The following TANK variants were observed in gnomAD, a reference collection of about 807,000 sequenced individuals.
TANK encodes the protein TRAF family member-associated NF-kappa-B activator.
TANK carries 15 observed loss-of-function variants against 43.6 expected under a neutral mutation model. The observed-to-expected ratio is 0.34, with a 90% CI of 0.23 to 0.53. TANK has a LOEUF of 0.53. TANK is among the 20% of genes least tolerant of loss of function. The pLI is 0.94. For synonymous variants in TANK, 162 were observed against 178.2 expected (o/e 0.91, Z 0.73); for missense variants, 417 against 498.6 (o/e 0.84, Z 1.56).
chr2:161,228,110 A>T lies in TANK; in HGVS notation c.521-2861A>T, dbSNP rs573565716. ...AGGAAACAAAACAGTTTAAGACCTC[A>T]AAAAACCTACTTTAGTGGGAAGAAA... is the stretch of plus-strand genomic sequence containing the variant. On this transcript the variant is annotated intron_variant, in intron 6 of 7. Transcript: ENST00000392749. Among the ~76,000 whole-genome samples, 4 of 152,358 alleles carry T rather than the reference A, an allele frequency of 2.6e-5. No individual in the cohort carries two copies. The South Asian group carries it at 8.3e-4, about 32-fold the overall frequency.
At chr2:161,147,435 A>G (rs968134734) in intron 1 of TANK, among the ~76,000 whole-genome samples, 5 of 174 alleles carry the variant, frequency 0.029, no homozygotes, top group African/African-American at 0.083. Flanking sequence ...TTGGGAGGCT[A>G]GGCCTGGTGG....
chr2:161,172,952 G>C (rs1328520625), intron 1 of TANK, among the ~76,000 whole-genome samples: 1 of 152,108 alleles, frequency 6.6e-6, no homozygotes, highest in Non-Finnish European at 1.5e-5. Flanking sequence ...TCCCTCGCTA[G>C]TTTGTAGTCC....
intron 1 of TANK, chr2:161,161,518 TC>T (rs1325757757): frequency 2.0e-6 from 3 of 1,483,864 alleles, no homozygotes; most frequent in Admixed American, 2.2e-5. Flanking sequence ...GGAAGTGAAA[TC>T]CTTCTCAGTC....
chr2:161,160,573 C>G, intron 1 of TANK, 87 bp downstream of exon 1: 2 of 1,093,456 alleles, frequency 1.8e-6, no homozygotes, highest in Non-Finnish European at 2.4e-6. Flanking sequence ...GAGGGACGCG[C>G]TGACAGTAGG....
In TANK at chr2:161,231,431, G is replaced by GTGT; in HGVS notation, c.983_985dup (p.Cys328dup). 6.2e-7 allele frequency: 1 copy of GTGT among 1,614,120 alleles called. No individual in the cohort carries two copies. Among genetic ancestry groups the GTGT allele is most frequent in the African/African-American group, 1.3e-5 (1 of 75,040 alleles). On this transcript the variant is annotated inframe_insertion, in exon 7 of 8. Coordinates refer to ENST00000392749, the MANE Select transcript of TANK (RefSeq NM_001199135.3). ...TCAGGACAACTCTGGATAGAGCTGC[G>GTGT]TGTTTGCCACCTGGAGACCATAATG...
intron 2 of TANK, among the ~76,000 whole-genome samples, chr2:161,182,251 C>T (rs1685463035): frequency 6.6e-6 from 1 of 152,088 alleles, no homozygotes. Context: ...AGCTAGATGT[C>T]TTCCAATTCA....
intron 2 of TANK, among the ~76,000 whole-genome samples, chr2:161,191,951 C>A (rs1685937245): frequency 6.6e-6 from 1 of 152,008 alleles, no homozygotes; most frequent in African/African-American, 2.4e-5. Flanking sequence ...CCACGCCCAG[C>A]TAATTTTTTT....
At chr2:161,186,292 CA>C in intron 2 of TANK, among the ~76,000 whole-genome samples, 1 of 152,364 alleles carries the variant, frequency 6.6e-6, no homozygotes, top group East Asian at 1.9e-4. Flanking sequence ...TATTCTCTCA[CA>C]GCCTTTCTAC....
Position 161,223,971 on chromosome 2 carries a change from C to A in TANK, c.384C>A (p.Gly128=). Residue 128 remains glycine (G), a synonymous_variant, in exon 5 of 8, where the codon GGC becomes GGA. Transcript: ENST00000392749. ...AAGAAACTTCAGCAAGGAGTCTTGG[C>A]AGTCCTTTGCTCCATGAAAGGTAGT... ...PRKETSARSL[G]SPLLHERGNI... is the part of the protein sequence containing the mutation. The A allele has an allele frequency of 6.2e-7, 1 of 1,600,312 alleles. No individual in the cohort carries two copies. Among genetic ancestry groups the A allele is most frequent in the Non-Finnish European group, 8.5e-7 (1 of 1,170,796 alleles).
rs182333916 is a variant in TANK, at chr2:161,145,505, C to A, written c.-50+8442C>A. Among the ~76,000 whole-genome samples, 125 of 151,938 alleles carry A rather than the reference C, an allele frequency of 8.2e-4. 4 individuals carry two copies. Among genetic ancestry groups the A allele is most frequent in the African/African-American group, 2.8e-3 (116 of 41,286 alleles). ...TCCTTTCCATAGTTAGTGCTTCCTT[C>A]AGGAACTCTTGCAAGACAGGCCAGG... is the stretch of plus-strand genomic sequence containing the variant. On this transcript the variant is annotated intron_variant, in intron 1 of 7. Coordinates refer to the TANK transcript ENST00000259075.
chr2:161,187,021 AT>A (rs1429914261), intron 2 of TANK, among the ~76,000 whole-genome samples: 1 of 152,224 alleles, frequency 6.6e-6, no homozygotes, highest in African/African-American at 2.4e-5. Context: ...TGACAAAAAA[AT>A]AACAGATGCT....
chr2:161,140,837 CT>C (rs1232563492), intron 1 of TANK, among the ~76,000 whole-genome samples: 13 of 151,640 alleles, frequency 8.6e-5, no homozygotes, highest in African/African-American at 3.1e-4. Context: ...AATAGTCTGT[CT>C]TTTTTAAAAC....
upstream of TANK, among the ~76,000 whole-genome samples, chr2:161,158,042 C>A (rs1241784719): frequency 6.6e-6 from 1 of 151,874 alleles, no homozygotes; most frequent in African/African-American, 2.4e-5. Context: ...AATAATAATT[C>A]ATTAATTAAT....
intron 5 of TANK, 127 bp downstream of exon 5, chr2:161,224,118 A>G: frequency 1.7e-6 from 1 of 586,914 alleles, no homozygotes; most frequent in Non-Finnish European, 2.9e-6. Context: ...GAAGTGACCA[A>G]CCCCAGAATC....
intron 1 of TANK, among the ~76,000 whole-genome samples, chr2:161,173,682 C>A (rs1685054051): frequency 6.6e-6 from 1 of 151,788 alleles, no homozygotes; most frequent in Non-Finnish European, 1.5e-5. Flanking sequence ...TAATTATTTT[C>A]ATGTGTGTCT....
chr2:161,232,303 A>C (rs1455037921), intron 7 of TANK, among the ~76,000 whole-genome samples: 1 of 152,234 alleles, frequency 6.6e-6, no homozygotes, highest in Non-Finnish European at 1.5e-5. Flanking sequence ...ATTTTTACAA[A>C]AAACAGAAGC....
At chr2:161,188,525 A>C (rs2105315290) in intron 2 of TANK, among the ~76,000 whole-genome samples, 1 of 152,310 alleles carries the variant, frequency 6.6e-6, no homozygotes, top group South Asian at 2.1e-4. Flanking sequence ...AGATTGAATC[A>C]GTAATCAAAA....
upstream of TANK, chr2:161,156,265 T>C (rs1338370126): frequency 1.0e-6 from 1 of 985,330 alleles, no homozygotes; most frequent in African/African-American, 1.7e-5. Flanking sequence ...TGATTTATTA[T>C]TCTGCAATAC....
chr2:161,149,602 T>C (rs1684014653), intron 1 of TANK, among the ~76,000 whole-genome samples: 2 of 152,236 alleles, frequency 1.3e-5, no homozygotes, highest in African/African-American at 4.8e-5. Flanking sequence ...CACCATTTGA[T>C]ATGTTGTTAC....
Sources: gnomAD v4.1 joint callset for allele counts (sites outside exome capture counted in the v4.1 genomes callset) on GRCh38, gnomAD v4.1.1 for gene constraint, MANE v1.5 for transcripts, NCBI Gene and HGNC (gene_info 2026-07-23, HGNC 2026-07-21) for gene names.